The following CAPS2 variants were observed in gnomAD, a reference collection of about 807,000 sequenced individuals.
The protein encoded by CAPS2 is calcyphosin-2.
CAPS2 carries 98 observed loss-of-function variants against 86.5 expected under a neutral mutation model. That is an observed-to-expected ratio of 1.13 (90% confidence interval 0.96 to 1.34). CAPS2 has a LOEUF of 1.34. Among genes scored for constraint, CAPS2 ranks in the 40% most tolerant of loss-of-function variants. CAPS2 has a pLI of 0.00. For synonymous variants in CAPS2, 210 were observed against 225.1 expected (o/e 0.93, Z 0.60); for missense variants, 729 against 686.8 (o/e 1.06, Z -0.69).
intron 11 of CAPS2, among the ~76,000 whole-genome samples, chr12:75,294,782 C>T (rs1482529320): frequency 6.6e-6 from 1 of 152,076 alleles, no homozygotes; most frequent in African/African-American, 2.4e-5. Context: ...GGAGGTGAGC[C>T]CTTTCCTCCC....
At chr12:75,330,237 C>A (rs2041179407), upstream of CAPS2, among the ~76,000 whole-genome samples, 1 of 152,306 alleles carries the variant, frequency 6.6e-6, no homozygotes, top group African/African-American at 2.4e-5. Flanking sequence ...CCGGAGACCC[C>A]GCCACGCTCT....
chr12:75,310,194 A>G lies in CAPS2; in HGVS notation c.659+2654T>C, dbSNP rs2038991345. Among the ~76,000 whole-genome samples the G allele has an allele frequency of 2.6e-5, 4 of 152,230 alleles. No individual in the cohort carries two copies. The South Asian group carries it at 8.3e-4, about 32-fold the overall frequency. ...ATAATTAACATGATAAACAGAGAAA[A>G]TACAACATGAATTACATGCCCCTAT... is the stretch of plus-strand genomic sequence containing the variant. On this transcript the variant is annotated intron_variant, in intron 7 of 16. Transcript: ENST00000393284.
chr12:75,390,205 T>G lies in CAPS2; in HGVS notation c.-395+633A>C, dbSNP rs1195288769. 4 of 394,038 alleles carry G rather than the reference T, an allele frequency of 1.0e-5. No homozygotes were observed. The Admixed American group carries it at 1.3e-4, about 13-fold the overall frequency. The allele number at this position is 394,038 out of a possible 1,614,324, so 24.4% of individuals were successfully genotyped here. On this transcript the variant is annotated intron_variant, in intron 1 of 5. Coordinates refer to the CAPS2 transcript ENST00000551829. ...TAAAGTCTTCAAAGCAAGTTGGTTTTGTTTTGTTTTGTTTTTGAGGAAAAT... is the reference window on the plus strand; with the variant it reads ...TAAAGTCTTCAAAGCAAGTTGGTTTGGTTTTGTTTTGTTTTTGAGGAAAAT...
At chr12:75,319,942 T>C (rs888103535) in intron 5 of CAPS2, among the ~76,000 whole-genome samples, 2 of 152,128 alleles carry the variant, frequency 1.3e-5, no homozygotes, top group Non-Finnish European at 2.9e-5. Flanking sequence ...TGAAAAGATA[T>C]CAAGTAAGTT....
chr12:75,304,920 C>T (rs1593393029), intron 7 of CAPS2, 44 bp from the exon 8 acceptor site: 2 of 1,585,406 alleles, frequency 1.3e-6, no homozygotes, highest in South Asian at 2.3e-5. Flanking sequence ...TATGATCATG[C>T]ATTACTTTAA....
At chr12:75,369,353 CT>C (rs1176659189) in intron 1 of CAPS2, 1 of 179,330 alleles carries the variant, frequency 5.6e-6, no homozygotes, top group Non-Finnish European at 1.1e-5. Context: ...AGATTTTTCT[CT>C]CCTCATTTTT....
intron 1 of CAPS2, among the ~76,000 whole-genome samples, chr12:75,349,653 C>CTGAGA (rs2042675475): frequency 6.6e-6 from 1 of 152,064 alleles, no homozygotes; most frequent in Non-Finnish European, 1.5e-5. Flanking sequence ...ACTACAATGT[C>CTGAGA]TGAGATTTTT....
In CAPS2 at chr12:75,279,078, A is replaced by G. The variant is rs1165222012; in HGVS notation, c.1613-13T>C. On this transcript the variant is annotated splice_polypyrimidine_tract_variant and intron_variant, in intron 16 of 16. Coordinates refer to ENST00000393284, the Ensembl canonical transcript of CAPS2. ...TCTGTTGAATGGCCTATAAAATAGTACTGAGTATGAAACAGTTTCCTGAAA... is the reference window on the plus strand; with the variant it reads ...TCTGTTGAATGGCCTATAAAATAGTGCTGAGTATGAAACAGTTTCCTGAAA... The G allele has an allele frequency of 6.4e-7, 1 of 1,554,372 alleles. No homozygotes were observed. The highest frequency in any genetic ancestry group is 8.6e-7 in the Non-Finnish European group (1 of 1,156,196).
chr12:75,352,649 G>A (rs1256806960), intron 1 of CAPS2, among the ~76,000 whole-genome samples: 1 of 152,128 alleles, frequency 6.6e-6, no homozygotes, highest in Non-Finnish European at 1.5e-5. Context: ...TGGATCAAGT[G>A]GACCTGACAG....
At chr12:75,338,528 C>T (rs1459575817) in intron 1 of CAPS2, among the ~76,000 whole-genome samples, 1 of 151,490 alleles carries the variant, frequency 6.6e-6, no homozygotes, top group Non-Finnish European at 1.5e-5. Flanking sequence ...CCATTTTTTC[C>T]TGTAGGTTTT....
intron 1 of CAPS2, among the ~76,000 whole-genome samples, chr12:75,337,754 A>G (rs1356581956): frequency 1.3e-5 from 2 of 152,030 alleles, no homozygotes; most frequent in African/African-American, 2.4e-5. Flanking sequence ...TTATAAAGTA[A>G]CATTAAATCC....
chr12:75,379,543 A>G (rs1210018438), intron 1 of CAPS2, among the ~76,000 whole-genome samples: 1 of 152,090 alleles, frequency 6.6e-6, no homozygotes, highest in East Asian at 1.9e-4. Flanking sequence ...CTCCTATTTC[A>G]CTTAGTTTGG....
At chr12:75,374,784 A>G (rs2044563274) in intron 1 of CAPS2, among the ~76,000 whole-genome samples, 1 of 152,238 alleles carries the variant, frequency 6.6e-6, no homozygotes, top group African/African-American at 2.4e-5. Flanking sequence ...GAATCAAGAA[A>G]AAGGCATTTG....
intron 1 of CAPS2, among the ~76,000 whole-genome samples, chr12:75,339,155 C>G (rs2041934890): frequency 6.6e-6 from 1 of 152,172 alleles, no homozygotes; most frequent in Non-Finnish European, 1.5e-5. Flanking sequence ...ATTTCTGACT[C>G]TAGATCTTTG....
At chr12:75,360,098 C>A (rs2043469638) in intron 1 of CAPS2, 1 of 152,088 alleles carries the variant, frequency 6.6e-6, no homozygotes, top group African/African-American at 2.4e-5. Flanking sequence ...GGAAACTGCC[C>A]CCATGATCCA....
intron 13 of CAPS2, among the ~76,000 whole-genome samples, chr12:75,290,795 A>G (rs566487696): frequency 3.3e-5 from 5 of 151,878 alleles, no homozygotes; most frequent in African/African-American, 1.2e-4. Flanking sequence ...GGTGGCATGC[A>G]CTTGTAGTCC....
At chr12:75,377,840 G>GATATATATATATATAT (rs71078726) in intron 1 of CAPS2, among the ~76,000 whole-genome samples, 5 of 146,986 alleles carry the variant, frequency 3.4e-5, no homozygotes, top group African/African-American at 1.0e-4. Flanking sequence ...AACCATCACA[G>GATATATATATATATAT]ATATATATAT....
upstream of CAPS2, chr12:75,334,440 A>C: frequency 8.3e-7 from 1 of 1,204,498 alleles, no homozygotes. Flanking sequence ...CGCGCTCTGC[A>C]GATTACAGAT....
chr12:75,343,618 G>C (rs1235819694), intron 1 of CAPS2: 1 of 1,151,528 alleles, frequency 8.7e-7, no homozygotes, highest in African/African-American at 1.6e-5. Flanking sequence ...GCAAAACTTA[G>C]TTGATTACAA....
Sources: gnomAD v4.1 joint callset for allele counts (sites outside exome capture counted in the v4.1 genomes callset) on GRCh38, gnomAD v4.1.1 for gene constraint, MANE v1.5 for transcripts, NCBI Gene and HGNC (gene_info 2026-07-23, HGNC 2026-07-21) for gene names.